The following RERE variants were observed in gnomAD, a reference collection of about 807,000 sequenced individuals.
RERE encodes the protein arginine-glutamic acid dipeptide repeats protein.
Under a neutral mutation model 146.1 loss-of-function variants are expected in RERE, and 40 were observed. The ratio of observed to expected loss-of-function variants is 0.27; its 90% confidence interval spans 0.21 to 0.36. The LOEUF is 0.36. Ranked by LOEUF, RERE falls within the 10% of genes least tolerant of loss-of-function variation. RERE has a pLI of 1.00. For synonymous variants in RERE, 1,003 were observed against 866.0 expected (o/e 1.16, Z -2.78); for missense variants, 1,933 against 2,138.7 (o/e 0.90, Z 1.90).
intron 12 of RERE, among the ~76,000 whole-genome samples, chr1:8,401,965 G>C (rs959802509): frequency 6.6e-6 from 1 of 152,050 alleles, no homozygotes; most frequent in South Asian, 2.1e-4. Context: ...TCAACCTTCA[G>C]GTTCAAGTGA....
chr1:8,406,807 T>TAA (rs5772323), intron 12 of RERE, among the ~76,000 whole-genome samples: 81 of 152,016 alleles, frequency 5.3e-4, no homozygotes, highest in African/African-American at 1.8e-3. Flanking sequence ...GTGAGGATCT[T>TAA]AAAAAACCTA....
At chr1:8,548,317 T>A (rs1269488029) in intron 6 of RERE, among the ~76,000 whole-genome samples, 1 of 151,760 alleles carries the variant, frequency 6.6e-6, no homozygotes, top group Non-Finnish European at 1.5e-5. Flanking sequence ...CCCTGACTCT[T>A]AGAACCACAG....
intron 1 of RERE, among the ~76,000 whole-genome samples, chr1:8,805,317 A>C (rs1167395247): frequency 6.6e-6 from 1 of 152,110 alleles, no homozygotes; most frequent in Non-Finnish European, 1.5e-5. Context: ...GTTCCAGAAC[A>C]ACCTAGCCAA....
intron 4 of RERE, among the ~76,000 whole-genome samples, chr1:8,574,753 C>T (rs1164628168): frequency 6.6e-6 from 1 of 152,172 alleles, no homozygotes; most frequent in African/African-American, 2.4e-5. Context: ...GATGGCAGAG[C>T]TCACAGCAGT....
At chr1:8,388,123 G>A (rs1006466559) in intron 12 of RERE, among the ~76,000 whole-genome samples, 14 of 152,154 alleles carry the variant, frequency 9.2e-5, no homozygotes, top group Non-Finnish European at 1.8e-4. Flanking sequence ...GCAAGGTGCA[G>A]GACATTTTTC....
chr1:8,545,517 C>T (rs1375367384), intron 6 of RERE, among the ~76,000 whole-genome samples: 8 of 152,084 alleles, frequency 5.3e-5, no homozygotes, highest in Non-Finnish European at 5.9e-5. Flanking sequence ...AAGGTCTTCC[C>T]GTATCCCCAG....
intron 4 of RERE, among the ~76,000 whole-genome samples, chr1:8,601,522 T>A (rs1299538669): frequency 2.0e-5 from 3 of 151,774 alleles, no homozygotes; most frequent in Non-Finnish European, 4.4e-5. Context: ...GTGGGAGCAA[T>A]CATTTATGCT....
At chr1:8,421,177 G>A (rs1643904687) in intron 12 of RERE, among the ~76,000 whole-genome samples, 1 of 152,204 alleles carries the variant, frequency 6.6e-6, no homozygotes, top group African/African-American at 2.4e-5. Flanking sequence ...TTTTAGCAGA[G>A]CAGAGACAGA....
At chr1:8,724,771 G>A (rs1639926534) in intron 1 of RERE, among the ~76,000 whole-genome samples, 1 of 151,426 alleles carries the variant, frequency 6.6e-6, no homozygotes, top group Non-Finnish European at 1.5e-5. Context: ...GGACACTGCA[G>A]TGAGCTGAGA....
chr1:8,787,763 A>C (rs1641284934), intron 1 of RERE, among the ~76,000 whole-genome samples: 1 of 150,000 alleles, frequency 6.7e-6, no homozygotes, highest in African/African-American at 2.5e-5. Context: ...TACTGGTAGC[A>C]GAGGTTGCAG....
At chr1:8,456,178 G>A (rs17032613) in intron 11 of RERE, among the ~76,000 whole-genome samples, 7,494 of 152,226 alleles carry the variant, frequency 0.049, 608 homozygotes, top group African/African-American at 0.17. Flanking sequence ...CTCAAGAAAG[G>A]AAGATTTTTG....
chr1:8,554,867 T>C (rs6577501), intron 6 of RERE, among the ~76,000 whole-genome samples: 102,970 of 150,598 alleles, frequency 0.68, 36,335 homozygotes, highest in East Asian at 0.85. Context: ...ATTAAGTCAC[T>C]GGTCCCAGCT....
chr1:8,693,469 G>C (rs543484887), intron 1 of RERE, among the ~76,000 whole-genome samples: 1 of 152,180 alleles, frequency 6.6e-6, no homozygotes, highest in Non-Finnish European at 1.5e-5. Flanking sequence ...AGTACATTTT[G>C]CTAAGAGAAA....
At chr1:8,401,045 A>C (rs1186155151) in intron 12 of RERE, among the ~76,000 whole-genome samples, 4 of 49,936 alleles carry the variant, frequency 8.0e-5, no homozygotes, top group African/African-American at 2.0e-4. Flanking sequence ...AACCATATAT[A>C]TATATATATA....
intron 12 of RERE, among the ~76,000 whole-genome samples, chr1:8,370,590 G>A (rs902620875): frequency 6.6e-6 from 1 of 152,190 alleles, no homozygotes; most frequent in African/African-American, 2.4e-5. Flanking sequence ...CCTATCAAGG[G>A]ATTCAACACT....
intron 8 of RERE, among the ~76,000 whole-genome samples, chr1:8,498,941 C>T (rs937063510): frequency 7.9e-5 from 12 of 151,986 alleles, no homozygotes; most frequent in African/African-American, 1.9e-4. Context: ...ACGAACAATT[C>T]GCTGTACATA....
At chr1:8,657,170 T>A (rs963615720) in intron 1 of RERE, among the ~76,000 whole-genome samples, 1 of 151,914 alleles carries the variant, frequency 6.6e-6, no homozygotes. Flanking sequence ...CTGGGTGTGG[T>A]GGCGGGCGCC....
chr1:8,715,723 A>G (rs185299700), intron 1 of RERE, among the ~76,000 whole-genome samples: 66 of 152,120 alleles, frequency 4.3e-4, no homozygotes, highest in African/African-American at 1.5e-3. Context: ...GGAAAACATG[A>G]CAAAACCTTG....
intron 11 of RERE, among the ~76,000 whole-genome samples, chr1:8,447,093 C>T (rs1644332166): frequency 6.6e-6 from 1 of 151,050 alleles, no homozygotes; most frequent in Non-Finnish European, 1.5e-5. Context: ...GCTATTGATA[C>T]TTGTGTATGC....
Sources: gnomAD v4.1 joint callset for allele counts (sites outside exome capture counted in the v4.1 genomes callset) on GRCh38, gnomAD v4.1.1 for gene constraint, MANE v1.5 for transcripts, NCBI Gene and HGNC (gene_info 2026-07-23, HGNC 2026-07-21) for gene names.